Variants in MARF1 observed in about 807,000 individuals in gnomAD.
MARF1 encodes limkain-b1.
MARF1 carries 24 observed loss-of-function variants against 168.2 expected under a neutral mutation model. The ratio of observed to expected loss-of-function variants is 0.14; its 90% CI spans 0.10 to 0.20. MARF1 has a LOEUF of 0.20. MARF1 is among the 10% of genes least tolerant of loss of function. MARF1 has a pLI of 1.00. For synonymous variants in MARF1, 868 were observed against 822.4 expected, an observed-to-expected ratio of 1.06 and a Z score of -0.95; for missense variants, 1,744 against 2,143.6, an observed-to-expected ratio of 0.81 and a Z score of 3.68.
intron 11 of MARF1, 105 bp downstream of exon 11, chr16:15,622,829 T>C: frequency 2.3e-6 from 2 of 884,582 alleles, no homozygotes; most frequent in Non-Finnish European, 3.3e-6. Flanking sequence ...ACTTGTTCAG[T>C]CACACTTCTA....
intron 11 of MARF1, among the ~76,000 whole-genome samples, chr16:15,622,728 G>T (rs1259551256): frequency 1.3e-5 from 2 of 152,242 alleles, no homozygotes; most frequent in Non-Finnish European, 2.9e-5. Context: ...GCTTTTCACT[G>T]CTAGGCGTCT....
At chr16:15,616,849 T>C (rs2034090324) in intron 15 of MARF1, 3 of 555,922 alleles carry the variant, frequency 5.4e-6, no homozygotes, top group South Asian at 2.8e-5. Flanking sequence ...TATAATCTTA[T>C]GGGACCACTG....
Position 15,621,863 on chromosome 16 carries a change from C to G in MARF1, c.2509G>C (p.Val837Leu), listed in dbSNP as rs1359694239. 2.5e-6 allele frequency: 4 copies of G among 1,614,044 alleles called. No individual in the cohort carries two copies. The highest frequency in any genetic ancestry group is 3.3e-4 in the Middle Eastern group (2 of 6,084). The change falls in exon 12 of 27, where the codon GTT becomes CTT. Residue 837 changes from valine (V) to leucine (L), a missense_variant. This residue lies in a region of MARF1 where 543 missense variants were observed against 742.1 expected (regional missense o/e 0.73). Transcript: ENST00000396368. ...SPHTDYQLKA[V>L]VQMENLQDAI... Reference sequence around the variant, plus strand: ...TCTTGTAAGTTTTCCATTTGCACAACAGCCTTGAGTTGATAATCTGTATGG... The same window carrying G: ...TCTTGTAAGTTTTCCATTTGCACAAGAGCCTTGAGTTGATAATCTGTATGG...
intron 7 of MARF1, among the ~76,000 whole-genome samples, chr16:15,627,294 C>A (rs2034934068): frequency 6.6e-6 from 1 of 151,352 alleles, no homozygotes; most frequent in Non-Finnish European, 1.5e-5. Flanking sequence ...TCAAGACCAG[C>A]CTGGCCAACA....
intron 10 of MARF1, 151 bp from the exon 11 acceptor site, chr16:15,623,274 CTTTTTT>C (rs71375044): frequency 1.8e-4 from 22 of 119,186 alleles, no homozygotes; most frequent in South Asian, 2.3e-4. Flanking sequence ...TGTTTTTAAT[CTTTTTT>C]TTTTTTTTTT....
intron 1 of MARF1, among the ~76,000 whole-genome samples, chr16:15,639,504 G>T (rs1291763300): frequency 1.3e-5 from 2 of 152,064 alleles, no homozygotes; most frequent in Non-Finnish European, 2.9e-5. Context: ...GGGTTCAAGC[G>T]ATTTTTCTGC....
chr16:15,616,876 T>C (rs2034092408), intron 15 of MARF1, 176 bp downstream of exon 15: 1 of 768,242 alleles, frequency 1.3e-6, no homozygotes. Context: ...ATACAGTCCA[T>C]GGTTGGCCAA....
intron 21 of MARF1, among the ~76,000 whole-genome samples, chr16:15,607,662 C>T (rs1305966407): frequency 1.3e-5 from 2 of 152,196 alleles, no homozygotes; most frequent in African/African-American, 4.8e-5. Flanking sequence ...CTGAGGGTGC[C>T]GTCCTTCATG....
chr16:15,614,337 G>T (rs2033859428), intron 16 of MARF1, among the ~76,000 whole-genome samples: 1 of 146,258 alleles, frequency 6.8e-6, no homozygotes, highest in Non-Finnish European at 1.5e-5. Flanking sequence ...AAAAAAAATA[G>T]CCGGGCGTGG....
chr16:15,611,770 C>G (rs762201471), intron 17 of MARF1, 36 bp from the exon 18 acceptor site: 1 of 1,588,846 alleles, frequency 6.3e-7, no homozygotes, highest in South Asian at 1.1e-5. Flanking sequence ...CACATAAGAC[C>G]TCAGCAGACA....
intron 1 of MARF1, among the ~76,000 whole-genome samples, chr16:15,641,627 G>C (rs1414345035): frequency 6.6e-6 from 1 of 152,186 alleles, no homozygotes; most frequent in African/African-American, 2.4e-5. Flanking sequence ...AAAAAACCCA[G>C]ACGGTGGGAT....
intron 7 of MARF1, among the ~76,000 whole-genome samples, chr16:15,626,962 A>G (rs200646532): frequency 6.1e-3 from 82 of 13,460 alleles, no homozygotes; most frequent in East Asian, 0.048. Context: ...AGATTCTGTG[A>G]AAAAAAAAAA....
chr16:15,612,663 T>C lies in MARF1; in HGVS notation c.3368A>G (p.His1123Arg), dbSNP rs780691341. Residue 1123 changes from histidine to arginine, a missense_variant, in exon 17 of 27, where the codon CAT becomes CGT. By Grantham distance (29) the His-to-Arg change is conservative. Coordinates refer to ENST00000396368, the MANE Select transcript of MARF1 (RefSeq NM_014647.4). ...SQPSCVIPISHFIPSYHHHFA... is the reference protein window; with the variant it reads ...SQPSCVIPISRFIPSYHHHFA... ...ATGATGGTGATAGGATGGGATGAAA[T>C]GACTGATGGGTATGACACAAGATGG... The C allele has an allele frequency of 5.0e-6, 8 of 1,614,162 alleles. No individual in the cohort carries two copies. Among genetic ancestry groups the C allele is most frequent in the East Asian group, 2.2e-5 (1 of 44,876 alleles).
At chr16:15,638,653 G>A (rs1033298286) in intron 2 of MARF1, among the ~76,000 whole-genome samples, 1 of 152,002 alleles carries the variant, frequency 6.6e-6, no homozygotes, top group Non-Finnish European at 1.5e-5. Flanking sequence ...AATGTATACT[G>A]AGAAGTAAAT....
At chr16:15,642,323 TC>T (rs2036055034) in intron 1 of MARF1, 2 of 152,148 alleles carry the variant, frequency 1.3e-5, no homozygotes, top group Admixed American at 1.3e-4. Flanking sequence ...TGTTTTCTTA[TC>T]CACTATTCCA....
chr16:15,610,921 G>A, intron 19 of MARF1, 54 bp downstream of exon 19: 1 of 1,563,562 alleles, frequency 6.4e-7, no homozygotes, highest in Middle Eastern at 1.7e-4. Flanking sequence ...GCCACACTAT[G>A]TTAAAATAAC....
chr16:15,626,174 A>G (rs1447626073), intron 7 of MARF1, among the ~76,000 whole-genome samples: 1 of 152,062 alleles, frequency 6.6e-6, no homozygotes, highest in Non-Finnish European at 1.5e-5. Flanking sequence ...TCTGTATACT[A>G]TATGATTCCA....
At position 15,596,859 on chromosome 16, in the gene MARF1, C is replaced by T. The variant is rs374368393; in HGVS notation, c.5063G>A (p.Ser1688Asn). ...GKSKTLTSDS[S>N]SSCISAAVPV... is the part of the protein sequence containing the mutation. ...GACAGCTGCTGAGATGCAGGACGAG[C>T]TGGAGTCAGAGGTCAGAGTTTTGCT... The change falls in exon 27 of 27, where the codon AGC becomes AAC. Residue 1688 changes from serine to asparagine, a missense_variant. Physicochemically the swap from Ser to Asn is conservative, Grantham distance 46 (BLOSUM62 1). Coordinates refer to ENST00000396368, the MANE Select transcript of MARF1 (RefSeq NM_014647.4). 6.2e-6 allele frequency: 10 copies of T among 1,613,930 alleles called. No homozygotes were observed. In the African/African-American group the frequency reaches 8.0e-5, roughly 13 times the overall value.
Position 15,598,833 on chromosome 16 carries a change from T to C in MARF1, c.4984+21A>G, listed in dbSNP as rs2032053322. On this transcript the variant is annotated intron_variant, in intron 26 of 26. Coordinates refer to ENST00000396368, the MANE Select transcript of MARF1 (RefSeq NM_014647.4). ...TTTTAAACCCCGAAGAAAATCCCCA[T>C]GACAACATGGAGTCACCCACCAGAA... 3.1e-6 allele frequency: 5 copies of C among 1,612,504 alleles called. No individual in the cohort carries two copies. In the Admixed American group the frequency reaches 5.0e-5, roughly 16 times the overall value.
Sources: allele counts gnomAD v4.1 joint callset (sites outside exome capture counted in the v4.1 genomes callset), GRCh38; gene constraint gnomAD v4.1.1; regional missense constraint gnomAD v4.1.1; transcripts MANE v1.5; gene names NCBI Gene and HGNC (gene_info 2026-07-23, HGNC 2026-07-21).